EP300: variants seen among roughly 807,000 people sequenced by gnomAD.
EP300 encodes EP300 lysine acetyltransferase, also known as histone acetyltransferase p300.
A neutral mutation model predicts 264.0 loss-of-function variants in EP300; 31 were observed. The ratio of observed to expected loss-of-function variants is 0.12; its 90% CI spans 0.09 to 0.16. The LOEUF is 0.16. EP300 is among the 10% of genes least tolerant of loss of function. The probability of loss-of-function intolerance (pLI) is 1.00; values close to 1 mark genes in which losing one functional copy is unlikely to be tolerated. For missense variants in EP300, 2,766 were observed against 3,052.9 expected (o/e 0.91, Z 2.21); for synonymous variants, 1,340 against 1,045.4 (o/e 1.28, Z -5.44).
chr22:41,178,144 C>T lies in EP300; in HGVS notation c.6433C>T (p.Leu2145=), dbSNP rs2059214025. The change falls in exon 31 of 31, where the codon CTG becomes TTG. Residue 2145 remains leucine (L), a synonymous_variant. Transcript: ENST00000263253. The part of the protein sequence containing the change: ...PMQAGVQRAG[L]PQQQPQQQLQ... The stretch of plus-strand genomic sequence containing the variant: ...GCAGGCGGGCGTTCAGAGGGCTGGC[C>T]TGCCCCAGCAGCAACCACAGCAGCA... 2.5e-6 allele frequency: 4 copies of T among 1,614,182 alleles called. No individual in the cohort carries two copies. The East Asian group carries it at 8.9e-5, about 36-fold the overall frequency.
chr22:41,176,258 G>A lies in EP300; in HGVS notation c.4791G>A (p.Val1597=), dbSNP rs2145512102. 3.1e-6 allele frequency: 5 copies of A among 1,614,190 alleles called. No homozygotes were observed. In the South Asian group the frequency reaches 4.4e-5, roughly 14 times the overall value. Residue 1597 remains valine (V), a synonymous_variant, in exon 30 of 31, where the codon GTG becomes GTA. Coordinates refer to ENST00000263253, the MANE Select transcript of EP300 (RefSeq NM_001429.4). ...TGTCTGTTTTTCAGGTCTTCTTTGTGATCCGCCTCATTGCTGGCCCTGCTG... is the reference window on the plus strand; with the variant it reads ...TGTCTGTTTTTCAGGTCTTCTTTGTAATCCGCCTCATTGCTGGCCCTGCTG... The part of the protein sequence containing the change: ...TMEKHKEVFF[V]IRLIAGPAAN...
chr22:41,178,624 A>C lies in EP300; in HGVS notation c.6913A>C (p.Asn2305His), dbSNP rs761580632. 1.9e-6 allele frequency: 3 copies of C among 1,613,780 alleles called. No individual in the cohort carries two copies. The highest frequency in any genetic ancestry group is 2.5e-6 in the Non-Finnish European group (3 of 1,179,982). The change falls in exon 31 of 31, where the codon AAT becomes CAT. Residue 2305 changes from asparagine to histidine, a missense_variant. Asn to His is a moderately conservative substitution (Grantham distance 68, BLOSUM62 1). Transcript: ENST00000263253. ...CCAGCAGATCCCTAATTCTCTCTCCAATCAAGTGCGCTCTCCCCAGCCTGT... is the reference window on the plus strand; with the variant it reads ...CCAGCAGATCCCTAATTCTCTCTCCCATCAAGTGCGCTCTCCCCAGCCTGT... ...QGQQIPNSLS[N>H]QVRSPQPVPS...
chr22:41,176,728 CTT>C (rs769791437), intron 30 of EP300, 43 bp from the exon 31 acceptor site: 539 of 1,613,382 alleles, frequency 3.3e-4, no homozygotes, highest in Non-Finnish European at 4.4e-4. Context: ...TTTTGAATGA[CTT>C]AAATCTTGGA....
rs147137334 is a variant in EP300 at position 41,099,862 on chromosome 22, C to T, written c.94+6764C>T. Among the ~76,000 whole-genome samples the T allele has an allele frequency of 2.3e-3, 357 of 152,286 alleles. 3 individuals carry two copies. The highest frequency in any genetic ancestry group is 0.01 in the Middle Eastern group (3 of 294). ...GGCTGGTAGTTTATACAGGTGAATA[C>T]ATTAGACGGAGGGGAGATTCACTAC... On this transcript the variant is annotated intron_variant, in intron 1 of 30. Coordinates refer to ENST00000263253, the MANE Select transcript of EP300 (RefSeq NM_001429.4).
intron 16 of EP300, among the ~76,000 whole-genome samples, chr22:41,153,406 A>G (rs2059058307): frequency 6.6e-6 from 1 of 152,166 alleles, no homozygotes; most frequent in Non-Finnish European, 1.5e-5. Context: ...TAAGACTTGT[A>G]TATATTGAGG....
chr22:41,154,079 G>A (rs2059062594), intron 16 of EP300, among the ~76,000 whole-genome samples: 1 of 152,160 alleles, frequency 6.6e-6, no homozygotes, highest in Non-Finnish European at 1.5e-5. Flanking sequence ...GAACACATTT[G>A]AACTTAATTT....
chr22:41,158,821 G>T, intron 19 of EP300: 1 of 304,384 alleles, frequency 3.3e-6, no homozygotes, highest in Non-Finnish European at 6.3e-6. Context: ...CACAGCCTGA[G>T]GCAAAACTGA....
intron 10 of EP300, among the ~76,000 whole-genome samples, chr22:41,141,998 C>T (rs1258791639): frequency 6.6e-6 from 1 of 152,188 alleles, no homozygotes; most frequent in African/African-American, 2.4e-5. Context: ...TTTAAAATTA[C>T]ATTTTGACAG....
Position 41,117,565 on chromosome 22 carries a change from T to G in EP300, c.473T>G (p.Val158Gly), listed in dbSNP as rs1291675106. The G allele has an allele frequency of 6.2e-7, 1 of 1,614,054 alleles. No homozygotes were observed. Among genetic ancestry groups the G allele is most frequent in the Non-Finnish European group, 8.5e-7 (1 of 1,180,054 alleles). Residue 158 changes from valine (V) to glycine (G), a missense_variant, in exon 2 of 31, where the codon GTA (valine) becomes GGA (glycine). Coordinates refer to ENST00000263253, the MANE Select transcript of EP300 (RefSeq NM_001429.4). ...TQSTGMMNSP[V>G]NQPAMGMNTG... ...TCAACAGGTATGATGAACAGTCCAG[T>G]AAATCAGCCTGCCATGGGAATGAAC...
At chr22:41,132,691 A>G (rs892388522) in intron 6 of EP300, among the ~76,000 whole-genome samples, 1 of 152,174 alleles carries the variant, frequency 6.6e-6, no homozygotes, top group Admixed American at 6.5e-5. Flanking sequence ...GCTGAAACAT[A>G]TAGAAATGAG....
At chr22:41,110,393 A>G (rs955371027) in intron 1 of EP300, among the ~76,000 whole-genome samples, 3 of 128,976 alleles carry the variant, frequency 2.3e-5, no homozygotes, top group South Asian at 2.4e-4. Context: ...CTCGGGTTCA[A>G]CTGATTCTCC....
At chr22:41,161,549 G>A (rs1477760870) in intron 20 of EP300, among the ~76,000 whole-genome samples, 6 of 152,252 alleles carry the variant, frequency 3.9e-5, no homozygotes, top group African/African-American at 7.2e-5. Context: ...CCCGGGAGGT[G>A]GAGCTTGCAG....
intron 16 of EP300, 100 bp from the exon 17 acceptor site, chr22:41,154,895 A>C: frequency 1.2e-6 from 1 of 823,038 alleles, no homozygotes; most frequent in Non-Finnish European, 2.1e-6. Flanking sequence ...TAATTTTGTT[A>C]TTGATTCTTG....
chr22:41,116,056 G>A (rs760253362), intron 1 of EP300, among the ~76,000 whole-genome samples: 2 of 152,004 alleles, frequency 1.3e-5, no homozygotes, highest in African/African-American at 4.8e-5. Flanking sequence ...AAGGAACTTG[G>A]GAATATTAAT....
intron 2 of EP300, among the ~76,000 whole-genome samples, chr22:41,124,969 A>C (rs1227428469): frequency 6.6e-6 from 1 of 151,834 alleles, no homozygotes; most frequent in Non-Finnish European, 1.5e-5. Context: ...ACAGGGTCTC[A>C]CTCTGTTGCC....
At chr22:41,127,388 C>G (rs2145709848) in intron 3 of EP300, 99 bp from the exon 4 acceptor site, 2 of 1,519,466 alleles carry the variant, frequency 1.3e-6, no homozygotes, top group African/African-American at 1.4e-5. Flanking sequence ...TTATAGTAGA[C>G]TAACCATAAA....
At chr22:41,093,687 G>C (rs757117439) in intron 1 of EP300, among the ~76,000 whole-genome samples, 2 of 151,492 alleles carry the variant, frequency 1.3e-5, no homozygotes, top group Non-Finnish European at 2.9e-5. Context: ...CTTCTTATTT[G>C]CTTTAAGAAT....
At chr22:41,160,927 C>G (rs2059104640) in intron 20 of EP300, among the ~76,000 whole-genome samples, 1 of 152,176 alleles carries the variant, frequency 6.6e-6, no homozygotes, top group Non-Finnish European at 1.5e-5. Context: ...CTATCTGTGT[C>G]TGGTGGCTAC....
intron 2 of EP300, among the ~76,000 whole-genome samples, chr22:41,124,864 A>G (rs1279230761): frequency 1.3e-5 from 2 of 152,192 alleles, no homozygotes; most frequent in African/African-American, 2.4e-5. Context: ...ACCATACCCA[A>G]GGCCCCTAAA....
Sources: allele counts gnomAD v4.1 joint callset (sites outside exome capture counted in the v4.1 genomes callset), GRCh38; gene constraint gnomAD v4.1.1; transcripts MANE v1.5; gene names NCBI Gene and HGNC (gene_info 2026-07-23, HGNC 2026-07-21).